The following LRRC4C variants were observed in gnomAD, a reference collection of about 807,000 sequenced individuals.
LRRC4C encodes leucine rich repeat containing 4C.
A neutral mutation model predicts 33.6 loss-of-function variants in LRRC4C; 5 were observed. The ratio of observed to expected loss-of-function variants is 0.15; its 90% CI spans 0.08 to 0.31. The LOEUF (loss-of-function observed/expected upper bound fraction) is 0.31. Among genes scored for constraint, LRRC4C ranks in the 10% least tolerant of loss-of-function variants. The pLI is 1.00. For missense variants in LRRC4C, 560 were observed against 796.7 expected (o/e 0.70, Z 3.58); for synonymous variants, 329 against 302.0 (o/e 1.09, Z -0.93).
At chr11:41,066,497 G>T (rs1848993338) in intron 1 of LRRC4C, among the ~76,000 whole-genome samples, 1 of 152,166 alleles carries the variant, frequency 6.6e-6, no homozygotes, top group South Asian at 2.1e-4. Context: ...CACACTTGAG[G>T]ATATTATCGA....
intron 5 of LRRC4C, among the ~76,000 whole-genome samples, chr11:40,204,219 C>T (rs1232696553): frequency 1.3e-5 from 2 of 152,106 alleles, no homozygotes; most frequent in Non-Finnish European, 2.9e-5. Flanking sequence ...ATGTGAGTCC[C>T]CTGCTAGTCC....
intron 4 of LRRC4C, among the ~76,000 whole-genome samples, chr11:40,305,941 T>C (rs947973319): frequency 6.6e-6 from 1 of 152,234 alleles, no homozygotes; most frequent in African/African-American, 2.4e-5. Flanking sequence ...TGCGTTACTA[T>C]GGGTTCTGTC....
At chr11:40,641,205 C>T (rs1942101540) in intron 3 of LRRC4C, among the ~76,000 whole-genome samples, 1 of 151,870 alleles carries the variant, frequency 6.6e-6, no homozygotes. Flanking sequence ...CACAATATTC[C>T]AAATGTTGGG....
chr11:41,008,155 C>T (rs1346367856), intron 1 of LRRC4C, among the ~76,000 whole-genome samples: 1 of 152,112 alleles, frequency 6.6e-6, no homozygotes, highest in African/African-American at 2.4e-5. Flanking sequence ...CCACCAGCCT[C>T]TTCCCTAGAC....
At chr11:41,132,419 G>A (rs1943057061) in intron 1 of LRRC4C, among the ~76,000 whole-genome samples, 1 of 152,030 alleles carries the variant, frequency 6.6e-6, no homozygotes, top group South Asian at 2.1e-4. Flanking sequence ...AGAAGTTGCA[G>A]AAACAGACAT....
intron 1 of LRRC4C, among the ~76,000 whole-genome samples, chr11:41,170,932 A>C (rs1944946742): frequency 6.6e-6 from 1 of 152,194 alleles, no homozygotes; most frequent in South Asian, 2.1e-4. Flanking sequence ...CCCCATCAAA[A>C]AGTGGGTGAA....
chr11:41,236,527 G>T (rs547419178), intron 1 of LRRC4C, among the ~76,000 whole-genome samples: 10 of 151,294 alleles, frequency 6.6e-5, no homozygotes, highest in Admixed American at 2.6e-4. Flanking sequence ...TAATAAAAAA[G>T]AAGTCCAAAT....
At chr11:40,961,585 TTAA>T (rs1298697493) in intron 1 of LRRC4C, among the ~76,000 whole-genome samples, 9 of 151,740 alleles carry the variant, frequency 5.9e-5, no homozygotes, top group Non-Finnish European at 1.0e-4. Context: ...AAAAAGGAAG[TTAA>T]TAATGATTTT....
chr11:40,886,883 ATGTGTG>A (rs144561789), intron 2 of LRRC4C, among the ~76,000 whole-genome samples: 1,989 of 149,100 alleles, frequency 0.013, 53 homozygotes, highest in African/African-American at 0.047. Flanking sequence ...ATGTTTATAT[ATGTGTG>A]TGTGTGTGTG....
chr11:41,137,538 G>A (rs758978609), intron 1 of LRRC4C, among the ~76,000 whole-genome samples: 2 of 152,000 alleles, frequency 1.3e-5, no homozygotes, highest in Non-Finnish European at 2.9e-5. Context: ...ATATTCTCTT[G>A]GGCCATGGAG....
chr11:41,053,815 T>C (rs934793719), intron 1 of LRRC4C, among the ~76,000 whole-genome samples: 1 of 152,220 alleles, frequency 6.6e-6, no homozygotes, highest in African/African-American at 2.4e-5. Flanking sequence ...CCATTTAAAA[T>C]GTTAAACTCT....
At position 40,132,826 on chromosome 11, in the gene LRRC4C, C is replaced by T. The variant is rs760665738; in HGVS notation, c.-43+7975G>A. On this transcript the variant is annotated intron_variant, in intron 6 of 6. Transcript: ENST00000528697. ...TCATATGTTTTAGCTTCTCGGGATGCACAATAGGCTGATTTGCTCTAGGCT... is the reference window on the plus strand; with the variant it reads ...TCATATGTTTTAGCTTCTCGGGATGTACAATAGGCTGATTTGCTCTAGGCT... 1.6e-4 allele frequency among the ~76,000 whole-genome samples: 24 copies of T among 151,844 alleles called. 1 individual carries two copies. The highest frequency in any genetic ancestry group is 3.3e-4 in the Admixed American group (5 of 15,230).
intron 3 of LRRC4C, among the ~76,000 whole-genome samples, chr11:40,517,624 C>A (rs557449409): frequency 6.6e-6 from 1 of 152,114 alleles, no homozygotes; most frequent in South Asian, 2.1e-4. Flanking sequence ...TAAGAGAAGC[C>A]TTATGGTGGT....
At chr11:40,247,750 T>C (rs1866466813) in intron 4 of LRRC4C, among the ~76,000 whole-genome samples, 1 of 152,168 alleles carries the variant, frequency 6.6e-6, no homozygotes. Flanking sequence ...AGAGGTCATG[T>C]CACCTTCCAG....
At chr11:40,454,854 T>A (rs1052185399) in intron 3 of LRRC4C, among the ~76,000 whole-genome samples, 11 of 152,154 alleles carry the variant, frequency 7.2e-5, no homozygotes, top group Non-Finnish European at 1.0e-4. Context: ...CCTTTTTTTT[T>A]AAATCCAGTA....
chr11:41,133,273 T>A (rs752008653), intron 1 of LRRC4C, among the ~76,000 whole-genome samples: 1 of 152,036 alleles, frequency 6.6e-6, no homozygotes, highest in Non-Finnish European at 1.5e-5. Flanking sequence ...CACTACTCTT[T>A]CAAAGTTCAG....
At chr11:40,757,838 C>T (rs914222642) in intron 2 of LRRC4C, among the ~76,000 whole-genome samples, 40 of 151,992 alleles carry the variant, frequency 2.6e-4, no homozygotes, top group African/African-American at 9.7e-4. Context: ...ACACAGATAG[C>T]AATACTCTGG....
At chr11:40,571,415 C>CA (rs1220377172) in intron 3 of LRRC4C, among the ~76,000 whole-genome samples, 2 of 151,984 alleles carry the variant, frequency 1.3e-5, no homozygotes, top group Non-Finnish European at 2.9e-5. Flanking sequence ...TGTCATAGAA[C>CA]AGAATTCCTG....
chr11:40,201,759 G>A (rs1461223086), intron 5 of LRRC4C, among the ~76,000 whole-genome samples: 2 of 152,170 alleles, frequency 1.3e-5, no homozygotes, highest in East Asian at 3.9e-4. Context: ...TTTAGAATAG[G>A]TGCTTGTCTC....
Sources: allele counts gnomAD v4.1 joint callset (sites outside exome capture counted in the v4.1 genomes callset), GRCh38; gene constraint gnomAD v4.1.1; transcripts MANE v1.5; gene names NCBI Gene and HGNC (gene_info 2026-07-23, HGNC 2026-07-21).